The following SYNE2 variants were observed in gnomAD, a reference collection of about 807,000 sequenced individuals.
SYNE2 encodes the protein spectrin repeat containing nuclear envelope protein 2, also known as nesprin-2.
A neutral mutation model predicts 856.3 loss-of-function variants in SYNE2; 431 were observed. The observed-to-expected ratio is 0.50, with a 90% CI of 0.47 to 0.55. The LOEUF (loss-of-function observed/expected upper bound fraction) is 0.55. SYNE2 is among the 20% of genes least tolerant of loss of function. The probability of loss-of-function intolerance (pLI) is 0.00; values close to 1 mark genes in which losing one functional copy is unlikely to be tolerated. For synonymous variants in SYNE2, 2,923 were observed against 2,872.3 expected, an observed-to-expected ratio of 1.02 and a Z score of -0.56; for missense variants, 8,129 against 8,023.2, an observed-to-expected ratio of 1.01 and a Z score of -0.50.
In SYNE2 at chr14:64,073,947, T is replaced by C. The variant is rs1446203929; in HGVS notation, c.10698-21T>C. ...GAAGAGCAGGATAAAGAAACAATTATATTTTGACGTTCTCTTTTAGGCTTC... is the reference window on the plus strand; with the variant it reads ...GAAGAGCAGGATAAAGAAACAATTACATTTTGACGTTCTCTTTTAGGCTTC... On this transcript the variant is annotated intron_variant, in intron 52 of 115. Transcript: ENST00000555002. 3 of 1,611,782 alleles carry C rather than the reference T, an allele frequency of 1.9e-6. No individual in the cohort carries two copies. The South Asian group carries it at 3.3e-5, about 18-fold the overall frequency.
Position 63,938,748 on chromosome 14 carries a change from C to T in SYNE2, c.80-1866C>T, listed in dbSNP as rs183697851. On this transcript the variant is annotated intron_variant, in intron 2 of 115. Coordinates refer to ENST00000555002, the MANE Select transcript of SYNE2 (RefSeq NM_182914.3). ...CCATGAAAGCAGGAAGGGAAAGCCT[C>T]AACACCAGAGAGGGTATTGGGCATG... Among the ~76,000 whole-genome samples, 1,137 of 152,138 alleles carry T rather than the reference C, an allele frequency of 7.5e-3. 5 individuals are homozygous for T. The highest frequency in any genetic ancestry group is 0.012 in the Non-Finnish European group (828 of 67,996).
intron 1 of SYNE2, among the ~76,000 whole-genome samples, chr14:63,873,065 G>A (rs1383992503): frequency 6.6e-6 from 1 of 152,126 alleles, no homozygotes; most frequent in Non-Finnish European, 1.5e-5. Context: ...ATTTGTAGGT[G>A]TATTGTTTTT....
chr14:64,038,372 A>T (rs1172897073), intron 45 of SYNE2, among the ~76,000 whole-genome samples: 6 of 152,048 alleles, frequency 3.9e-5, no homozygotes, highest in Non-Finnish European at 7.4e-5. Flanking sequence ...GCAGCCAGGC[A>T]GAGGGGCTCC....
Position 64,223,201 on chromosome 14 carries a change from G to A in SYNE2, c.20203G>A (p.Glu6735Lys), listed in dbSNP as rs138789938. 6.1e-5 allele frequency: 98 copies of A among 1,613,886 alleles called. No homozygotes were observed. In the Admixed American group the frequency reaches 8.8e-4, roughly 15 times the overall value. ...TATCTGTTTTCAGCAACTGGAAAAG[G>A]AGCTGGTAGAACGTCAACCTCAAGT... ...CRRELMQLEK[E>K]LVERQPQVDM... Residue 6735 changes from glutamate to lysine, a missense_variant, in exon 113 of 116, where the codon GAG (glutamate) becomes AAG (lysine). By Grantham distance (56) the Glu-to-Lys change is moderately conservative. This residue lies in a region of SYNE2 where 5,410 missense variants were observed against 5,284.8 expected (regional missense o/e 1.02). Coordinates refer to ENST00000555002, the MANE Select transcript of SYNE2 (RefSeq NM_182914.3).
At chr14:63,768,807 A>G (rs562255179) in intron 1 of SYNE2, among the ~76,000 whole-genome samples, 1 of 152,212 alleles carries the variant, frequency 6.6e-6, no homozygotes, top group East Asian at 1.9e-4. Flanking sequence ...TACAAGGTGC[A>G]TATCACTAGT....
Position 64,225,643 on chromosome 14 carries a change from C to A in SYNE2, c.*117C>A. 8.6e-7 allele frequency: 1 copy of A among 1,164,388 alleles called. No homozygotes were observed. The highest frequency in any genetic ancestry group is 1.3e-6 in the Non-Finnish European group (1 of 794,778). The allele number at this position is 1,164,388 out of a possible 1,614,324, so 72.1% of individuals were successfully genotyped here. A position where few individuals can be genotyped will look rare whatever the true frequency, so the allele number is the denominator to read the frequency against. ...GGCAAGGTCCCGGGACCTGTGCAGA[C>A]TTCTTCTGGGCTTACCCAGCACGGG... On this transcript the variant is annotated 3_prime_UTR_variant, in exon 116 of 116. Transcript: ENST00000555002.
intron 1 of SYNE2, among the ~76,000 whole-genome samples, chr14:63,822,092 G>A (rs1053279831): frequency 2.0e-5 from 3 of 152,024 alleles, no homozygotes; most frequent in South Asian, 2.1e-4. Context: ...TTAGGAGGCC[G>A]AGGCAGGAGA....
intron 1 of SYNE2, among the ~76,000 whole-genome samples, chr14:63,797,993 C>A (rs942082053): frequency 2.6e-5 from 4 of 152,196 alleles, no homozygotes; most frequent in Non-Finnish European, 2.9e-5. Context: ...TATTCAGTGG[C>A]TAGATATATT....
chr14:64,065,620 G>A lies in SYNE2; in HGVS notation c.10401G>A (p.Leu3467=), dbSNP rs200714738. The change falls in exon 51 of 116, where the codon CTG becomes CTA. Residue 3467 remains leucine (L), a synonymous_variant. Transcript: ENST00000555002. ...AKEWEMWCEE[L]KQEWKFVSEE... is the part of the protein sequence containing the mutation. Reference sequence around the variant, plus strand: ...AGTGGGAGATGTGGTGCGAAGAACTGAAGCAGGAATGGAAATTTGTCAGTG... The same window carrying A: ...AGTGGGAGATGTGGTGCGAAGAACTAAAGCAGGAATGGAAATTTGTCAGTG... The A allele has an allele frequency of 5.0e-6, 8 of 1,614,062 alleles. No homozygotes were observed. The highest frequency in any genetic ancestry group is 4.5e-5 in the East Asian group (2 of 44,892).
chr14:63,914,849 C>T (rs1290506924), intron 2 of SYNE2, among the ~76,000 whole-genome samples: 2 of 152,146 alleles, frequency 1.3e-5, no homozygotes, highest in Admixed American at 6.5e-5. Flanking sequence ...GCGATCTTGG[C>T]CCACTGCAGC....
At chr14:64,116,428 CT>C (rs980420194) in intron 66 of SYNE2, among the ~76,000 whole-genome samples, 1 of 151,368 alleles carries the variant, frequency 6.6e-6, no homozygotes, top group East Asian at 1.9e-4. Flanking sequence ...AGTACCATTA[CT>C]TTTTTTTTGA....
chr14:64,025,140 G>A lies in SYNE2; in HGVS notation c.5971G>A (p.Glu1991Lys). ...QALARKREQFESVAQLNNSLK... is the reference protein window; with the variant it reads ...QALARKREQFKSVAQLNNSLK... The stretch of plus-strand genomic sequence containing the variant: ...ATTTGGAATTTACAGGGAACAGTTT[G>A]AATCTGTGGCCCAATTGAACAACTC... Residue 1991 changes from glutamate (E) to lysine (K), a missense_variant, in exon 41 of 116, where the codon GAA (glutamate) becomes AAA (lysine). Glu to Lys is a moderately conservative substitution (Grantham distance 56, BLOSUM62 1). Around this residue, in one of 3 missense-constraint regions of SYNE2, gnomAD observed 2,422 missense variants for 2,357.4 expected, o/e 1.03. Coordinates refer to ENST00000555002, the MANE Select transcript of SYNE2 (RefSeq NM_182914.3). 6.2e-7 allele frequency: 1 copy of A among 1,614,050 alleles called. No homozygotes were observed. The highest frequency in any genetic ancestry group is 8.5e-7 in the Non-Finnish European group (1 of 1,179,984).
intron 23 of SYNE2, among the ~76,000 whole-genome samples, chr14:63,995,912 T>C (rs773007994): frequency 2.0e-4 from 30 of 152,308 alleles, no homozygotes; most frequent in Non-Finnish European, 3.5e-4. Context: ...ACCTCCACTT[T>C]TGGCTAATTC....
chr14:64,053,867 G>A, intron 48 of SYNE2, among the ~76,000 whole-genome samples: 1 of 152,178 alleles, frequency 6.6e-6, no homozygotes, highest in East Asian at 1.9e-4. Context: ...TACTCAGGAG[G>A]CTGAGGTACA....
At chr14:63,912,579 C>CT (rs959086867) in intron 2 of SYNE2, among the ~76,000 whole-genome samples, 6 of 152,096 alleles carry the variant, frequency 3.9e-5, no homozygotes, top group Non-Finnish European at 7.4e-5. Context: ...GTTTCAGAAC[C>CT]TTTTTTTAGA....
In SYNE2 at chr14:64,137,693, G is replaced by A. The variant is rs936985187; in HGVS notation, c.14647-94G>A. ...GGGAAAGTGTTACTGTTTTATCAGTGGACACAAATGTCAGTTTTAAATGCA... is the reference window on the plus strand; with the variant it reads ...GGGAAAGTGTTACTGTTTTATCAGTAGACACAAATGTCAGTTTTAAATGCA... On this transcript the variant is annotated intron_variant, in intron 78 of 115. Coordinates refer to ENST00000555002, the MANE Select transcript of SYNE2 (RefSeq NM_182914.3). 4 of 1,276,610 alleles carry A rather than the reference G, an allele frequency of 3.1e-6. No homozygotes were observed. The African/African-American group carries it at 4.4e-5, about 14-fold the overall frequency. 79.1% of individuals were successfully genotyped at this position (1,276,610 alleles called of 1,614,324 possible).
At chr14:63,761,642 C>G (rs979025550), upstream of SYNE2, among the ~76,000 whole-genome samples, 1 of 152,178 alleles carries the variant, frequency 6.6e-6, no homozygotes, top group Non-Finnish European at 1.5e-5. Context: ...GAATACTTCT[C>G]TAATGAGGGA....
intron 49 of SYNE2, among the ~76,000 whole-genome samples, chr14:64,058,541 C>T (rs1173193887): frequency 6.6e-6 from 1 of 152,148 alleles, no homozygotes; most frequent in Admixed American, 6.5e-5. Context: ...AGCTGGAGTG[C>T]AGTGGCACAG....
intron 2 of SYNE2, among the ~76,000 whole-genome samples, chr14:63,933,275 G>A (rs2095789191): frequency 6.6e-6 from 1 of 152,072 alleles, no homozygotes; most frequent in Non-Finnish European, 1.5e-5. Flanking sequence ...TTACTACCAG[G>A]GAGGACTCCT....
Sources: gnomAD v4.1 joint callset for allele counts (sites outside exome capture counted in the v4.1 genomes callset) on GRCh38, gnomAD v4.1.1 for gene constraint, gnomAD v4.1.1 regional missense constraint, MANE v1.5 for transcripts, NCBI Gene and HGNC (gene_info 2026-07-23, HGNC 2026-07-21) for gene names.